The following TMEFF1 variants were observed in gnomAD, a reference collection of about 807,000 sequenced individuals.
The protein encoded by TMEFF1 is transmembrane protein with EGF like and two follistatin like domains 1.
Under a neutral mutation model 47.5 loss-of-function variants are expected in TMEFF1, and 20 were observed. The observed-to-expected ratio is 0.42, with a 90% CI of 0.30 to 0.61. The LOEUF (loss-of-function observed/expected upper bound fraction) is 0.61, where lower values mean the gene tolerates loss of function less well. TMEFF1 is among the 20% of genes least tolerant of loss of function. TMEFF1 has a pLI of 0.19. For synonymous variants in TMEFF1, 162 were observed against 166.3 expected (o/e 0.97, Z 0.20); for missense variants, 411 against 471.1 (o/e 0.87, Z 1.18).
intron 8 of TMEFF1, among the ~76,000 whole-genome samples, chr9:100,561,920 G>A (rs763163540): frequency 6.6e-6 from 1 of 152,096 alleles, no homozygotes; most frequent in African/African-American, 2.4e-5. Context: ...GGATGGGGAC[G>A]AAGAACCAGG....
chr9:100,549,464 A>G (rs575070840), intron 6 of TMEFF1, among the ~76,000 whole-genome samples: 1 of 152,292 alleles, frequency 6.6e-6, no homozygotes, highest in Admixed American at 6.5e-5. Flanking sequence ...CAAGTTTGAG[A>G]GTTTAATTGA....
chr9:100,520,042 CT>C (rs1459762950), intron 5 of TMEFF1, among the ~76,000 whole-genome samples: 4 of 152,170 alleles, frequency 2.6e-5, no homozygotes, highest in African/African-American at 9.7e-5. Context: ...ACTAAATTGA[CT>C]TCATAATCCA....
chr9:100,523,837 A>G (rs888160352), intron 5 of TMEFF1, among the ~76,000 whole-genome samples: 1 of 152,210 alleles, frequency 6.6e-6, no homozygotes, highest in African/African-American at 2.4e-5. Context: ...TGATCCTGTC[A>G]GCAGTGTTTT....
At chr9:100,486,036 TCTC>T (rs1007687248) in intron 1 of TMEFF1, among the ~76,000 whole-genome samples, 14 of 150,532 alleles carry the variant, frequency 9.3e-5, no homozygotes, top group African/African-American at 2.9e-4. Context: ...AATTTCTCTC[TCTC>T]TTTTTTTTTT....
At chr9:100,548,215 A>G (rs1269934810) in intron 6 of TMEFF1, among the ~76,000 whole-genome samples, 2 of 152,130 alleles carry the variant, frequency 1.3e-5, no homozygotes, top group Non-Finnish European at 2.9e-5. Context: ...TAAGAGTTAG[A>G]TAACTTATTT....
At chr9:100,504,245 C>T (rs117743627) in intron 2 of TMEFF1, among the ~76,000 whole-genome samples, 1 of 152,280 alleles carries the variant, frequency 6.6e-6, no homozygotes, top group East Asian at 1.9e-4. Flanking sequence ...TTGTCCAAAT[C>T]CCATAATTTG....
intron 8 of TMEFF1, among the ~76,000 whole-genome samples, chr9:100,570,170 C>A (rs534999279): frequency 6.6e-6 from 1 of 151,924 alleles, no homozygotes; most frequent in East Asian, 1.9e-4. Context: ...TTATTTTATC[C>A]ATTTATTTGT....
At chr9:100,505,118 A>G (rs185483359) in intron 2 of TMEFF1, among the ~76,000 whole-genome samples, 7 of 152,304 alleles carry the variant, frequency 4.6e-5, no homozygotes, top group African/African-American at 1.7e-4. Flanking sequence ...TTTGGATTAA[A>G]AAAATTAAAA....
At chr9:100,527,987 A>G (rs1838299360) in intron 5 of TMEFF1, among the ~76,000 whole-genome samples, 1 of 152,040 alleles carries the variant, frequency 6.6e-6, no homozygotes, top group African/African-American at 2.4e-5. Context: ...GCACACTGAC[A>G]CCTCACACGG....
At chr9:100,478,652 A>G (rs187193432) in intron 1 of TMEFF1, among the ~76,000 whole-genome samples, 398 of 152,146 alleles carry the variant, frequency 2.6e-3, no homozygotes, top group Non-Finnish European at 3.8e-3. Context: ...ATTTTTTTTT[A>G]AAGCTAACTT....
At chr9:100,562,583 T>TA (rs1230255485) in intron 8 of TMEFF1, among the ~76,000 whole-genome samples, 1 of 152,194 alleles carries the variant, frequency 6.6e-6, no homozygotes, top group African/African-American at 2.4e-5. Flanking sequence ...TGTGAACATT[T>TA]AAAAAATCTA....
intron 2 of TMEFF1, among the ~76,000 whole-genome samples, chr9:100,502,137 T>G (rs1443742136): frequency 6.6e-6 from 1 of 152,194 alleles, no homozygotes; most frequent in Non-Finnish European, 1.5e-5. Flanking sequence ...TTTTAAATAT[T>G]AAATCATTTA....
chr9:100,523,108 G>A (rs1036772990), intron 5 of TMEFF1, among the ~76,000 whole-genome samples: 3 of 152,138 alleles, frequency 2.0e-5, no homozygotes, highest in Non-Finnish European at 2.9e-5. Context: ...GCAAAACTCC[G>A]TCTCCCCATA....
At chr9:100,565,783 A>G (rs2118560247) in intron 8 of TMEFF1, among the ~76,000 whole-genome samples, 2 of 152,288 alleles carry the variant, frequency 1.3e-5, no homozygotes, top group African/African-American at 4.8e-5. Context: ...AGTATATCTC[A>G]TATATATTGA....
intron 1 of TMEFF1, among the ~76,000 whole-genome samples, chr9:100,482,554 C>T (rs934502742): frequency 6.6e-6 from 1 of 152,154 alleles, no homozygotes; most frequent in Non-Finnish European, 1.5e-5. Context: ...TTCCACATTG[C>T]AAAAATCAGT....
chr9:100,535,121 C>G (rs1587842934), intron 5 of TMEFF1, among the ~76,000 whole-genome samples: 1 of 152,278 alleles, frequency 6.6e-6, no homozygotes. Flanking sequence ...CTACTTTAAA[C>G]CATCCATCTA....
Position 100,489,958 on chromosome 9 carries a change from C to G in TMEFF1, c.197-8807C>G, listed in dbSNP as rs151054120. Among the ~76,000 whole-genome samples the G allele has an allele frequency of 2.5e-3, 377 of 152,152 alleles. 3 individuals carry two copies. The highest frequency in any genetic ancestry group is 8.4e-3 in the African/African-American group (349 of 41,498). On this transcript the variant is annotated intron_variant, in intron 1 of 9. Coordinates refer to ENST00000374879, the MANE Select transcript of TMEFF1 (RefSeq NM_003692.5). ...ACCCAGGCCTTTTCTTCCATCTGAT[C>G]TTACAGTAGTTTTTCTCCCTGTCAC...
At position 100,555,354 on chromosome 9, in the gene TMEFF1, T is replaced by TG. The variant is rs1256121096; in HGVS notation, c.775+5195dup. ...TGCTGTTGTTTCCGAAACCATGTTATGTTACATCTTTTGAGGCTTTTTATC... is the reference window on the plus strand; with the variant it reads ...TGCTGTTGTTTCCGAAACCATGTTATGGTTACATCTTTTGAGGCTTTTTATC... On this transcript the variant is annotated intron_variant, in intron 7 of 9. Transcript: ENST00000374879. 2.0e-5 allele frequency among the ~76,000 whole-genome samples: 3 copies of TG among 152,342 alleles called. No homozygotes were observed. The East Asian group carries it at 5.8e-4, about 29-fold the overall frequency.
chr9:100,569,453 A>G (rs1839185617), intron 8 of TMEFF1, among the ~76,000 whole-genome samples: 1 of 152,132 alleles, frequency 6.6e-6, no homozygotes, highest in Non-Finnish European at 1.5e-5. Flanking sequence ...TATCAGATAT[A>G]TGGAACTTAC....
Sources: allele counts gnomAD v4.1 joint callset (sites outside exome capture counted in the v4.1 genomes callset), GRCh38; gene constraint gnomAD v4.1.1; transcripts MANE v1.5; gene names NCBI Gene and HGNC (gene_info 2026-07-23, HGNC 2026-07-21).